The following EPB41L4A variants were observed in gnomAD, a reference collection of about 807,000 sequenced individuals.
EPB41L4A encodes the protein erythrocyte membrane protein band 4.1 like 4A.
EPB41L4A carries 100 observed loss-of-function variants against 108.6 expected under a neutral mutation model. The observed-to-expected ratio is 0.92, with a 90% CI of 0.78 to 1.09. EPB41L4A has a LOEUF of 1.09. EPB41L4A is among the 50% of genes least tolerant of loss of function. The probability of loss-of-function intolerance (pLI) is 0.00; values close to 1 mark genes in which losing one functional copy is unlikely to be tolerated. For synonymous variants in EPB41L4A, 319 were observed against 289.0 expected (o/e 1.10, Z -1.05); for missense variants, 1,030 against 842.7 (o/e 1.22, Z -2.75).
At chr5:112,234,173 A>C (rs1001856297) in intron 12 of EPB41L4A, among the ~76,000 whole-genome samples, 8 of 135,036 alleles carry the variant, frequency 5.9e-5, no homozygotes, top group Non-Finnish European at 1.3e-4. Flanking sequence ...AATAATATAA[A>C]ATAAATAAAA....
At chr5:112,159,901 CTTTTTT>C (rs540095907), downstream of EPB41L4A, among the ~76,000 whole-genome samples, 1 of 130,370 alleles carries the variant, frequency 7.7e-6, no homozygotes, top group African/African-American at 2.9e-5. Flanking sequence ...TTTCTTTTTA[CTTTTTT>C]TTTTTTTTTT....
intron 4 of EPB41L4A, among the ~76,000 whole-genome samples, chr5:112,271,276 C>T (rs949267817): frequency 1.8e-4 from 27 of 152,330 alleles, no homozygotes; most frequent in Middle Eastern, 6.8e-3. Flanking sequence ...GAAGACCTAT[C>T]TCAGGGCTCC....
At chr5:112,289,694 C>G (rs1472447883) in intron 2 of EPB41L4A, among the ~76,000 whole-genome samples, 1 of 152,206 alleles carries the variant, frequency 6.6e-6, no homozygotes, top group Non-Finnish European at 1.5e-5. Context: ...CCAGCCAATG[C>G]CAACATCAAC....
intron 1 of EPB41L4A, chr5:112,363,432 A>AAAAG (rs1554104223): frequency 2.6e-5 from 4 of 152,176 alleles, no homozygotes; most frequent in African/African-American, 9.7e-5. Context: ...AAAAAAAAAA[A>AAAAG]AAAAATCAGC....
chr5:112,180,135 T>C (rs1480134243), intron 18 of EPB41L4A, among the ~76,000 whole-genome samples: 1 of 152,184 alleles, frequency 6.6e-6, no homozygotes, highest in African/African-American at 2.4e-5. Context: ...GAATAAGATA[T>C]TTATTTTCTC....
intron 1 of EPB41L4A, among the ~76,000 whole-genome samples, chr5:112,329,903 C>T (rs1308141890): frequency 6.6e-6 from 1 of 152,108 alleles, no homozygotes; most frequent in Admixed American, 6.6e-5. Context: ...CTCTACCAAG[C>T]ATCCTTACAG....
At chr5:112,239,958 C>T (rs890988440) in intron 10 of EPB41L4A, among the ~76,000 whole-genome samples, 2 of 152,226 alleles carry the variant, frequency 1.3e-5, no homozygotes, top group East Asian at 3.9e-4. Flanking sequence ...AATGTATCAC[C>T]AGCTAAATTT....
chr5:112,168,768 G>A lies in EPB41L4A; in HGVS notation c.1903C>T (p.Gln635Ter). The change falls in exon 22 of 23, where the codon CAG becomes TAG. Residue 635 changes from glutamine to a stop codon, truncating the protein, a stop_gained. Transcript: ENST00000261486. LOFTEE classifies it high-confidence loss of function. ...TGAACTGTAGCATCCCCAGAACCCTGAGCATCCGAAGAACGGGTCACCGGA... is the reference window on the plus strand; with the variant it reads ...TGAACTGTAGCATCCCCAGAACCCTAAGCATCCGAAGAACGGGTCACCGGA... ...PLPVTRSSDA[Q>*]GSGDATVHQR... The A allele has an allele frequency of 1.2e-6, 2 of 1,614,042 alleles. No individual in the cohort carries two copies. The highest frequency in any genetic ancestry group is 1.7e-6 in the Non-Finnish European group (2 of 1,179,930).
At chr5:112,351,194 T>C (rs1758021631) in intron 1 of EPB41L4A, among the ~76,000 whole-genome samples, 1 of 152,182 alleles carries the variant, frequency 6.6e-6, no homozygotes. Context: ...AATGAGAAGT[T>C]GGTTTTTTAA....
intron 1 of EPB41L4A, among the ~76,000 whole-genome samples, chr5:112,318,812 G>C (rs1184127756): frequency 6.6e-6 from 1 of 152,162 alleles, no homozygotes; most frequent in African/African-American, 2.4e-5. Context: ...CCAAACATTA[G>C]TAATTCCTGT....
chr5:112,288,517 A>G (rs971374589), intron 2 of EPB41L4A, among the ~76,000 whole-genome samples: 1 of 152,236 alleles, frequency 6.6e-6, no homozygotes, highest in Non-Finnish European at 1.5e-5. Context: ...GACAGGGCCA[A>G]TCGTCATAGT....
At chr5:112,317,868 G>A (rs1336951602) in intron 1 of EPB41L4A, among the ~76,000 whole-genome samples, 1 of 152,120 alleles carries the variant, frequency 6.6e-6, no homozygotes, top group Non-Finnish European at 1.5e-5. Context: ...ATGGTAAACA[G>A]ATACAGAGAT....
upstream of EPB41L4A, chr5:112,419,371 G>A (rs78728513): frequency 3.3e-3 from 1,214 of 362,654 alleles, 16 homozygotes; most frequent in African/African-American, 0.025. Flanking sequence ...TCCTGGGGAC[G>A]ACAAAAGTCT....
intron 1 of EPB41L4A, among the ~76,000 whole-genome samples, chr5:112,408,844 T>A (rs1178943009): frequency 6.6e-6 from 1 of 151,764 alleles, no homozygotes; most frequent in Non-Finnish European, 1.5e-5. Context: ...TAACAAGCGC[T>A]GGTGAGAATG....
At chr5:112,369,051 A>G (rs1342813660) in intron 1 of EPB41L4A, among the ~76,000 whole-genome samples, 3 of 152,086 alleles carry the variant, frequency 2.0e-5, no homozygotes, top group Non-Finnish European at 4.4e-5. Flanking sequence ...CCAGCTATAG[A>G]TATTATATTT....
intron 13 of EPB41L4A, among the ~76,000 whole-genome samples, chr5:112,206,610 T>C (rs1762485636): frequency 6.6e-6 from 1 of 151,980 alleles, no homozygotes; most frequent in African/African-American, 2.4e-5. Context: ...GTGTATGGGA[T>C]CAATAAATCA....
chr5:112,306,346 T>C (rs926130422), intron 2 of EPB41L4A, among the ~76,000 whole-genome samples: 2 of 152,154 alleles, frequency 1.3e-5, no homozygotes, highest in African/African-American at 4.8e-5. Context: ...CCACTAGCCT[T>C]TAGAAAGTTA....
chr5:112,385,401 A>G (rs1760445402), intron 1 of EPB41L4A, among the ~76,000 whole-genome samples: 1 of 152,052 alleles, frequency 6.6e-6, no homozygotes. Flanking sequence ...TTTTTAATCA[A>G]CACTAGGCAA....
chr5:112,270,817 A>C lies in EPB41L4A; in HGVS notation c.336-4487T>G, dbSNP rs74835004. On this transcript the variant is annotated intron_variant, in intron 4 of 22. Coordinates refer to ENST00000261486, the MANE Select transcript of EPB41L4A (RefSeq NM_022140.5). The stretch of plus-strand genomic sequence containing the variant: ...TCTGGGTTGCAAAAAGAAGACATGA[A>C]CATAATATCAATCCTCAGCAAAATG... Among the ~76,000 whole-genome samples the C allele has an allele frequency of 5.9e-3, 896 of 152,336 alleles. 3 individuals are homozygous for C. Among genetic ancestry groups the C allele is most frequent in the Middle Eastern group, 0.01 (3 of 294 alleles).
Sources: gnomAD v4.1 joint callset for allele counts (sites outside exome capture counted in the v4.1 genomes callset) on GRCh38, gnomAD v4.1.1 for gene constraint, MANE v1.5 for transcripts, NCBI Gene and HGNC (gene_info 2026-07-23, HGNC 2026-07-21) for gene names.